COL22A1: variants seen among roughly 807,000 people sequenced by gnomAD.
COL22A1 encodes collagen alpha-1(XXII) chain.
A neutral mutation model predicts 248.9 loss-of-function variants in COL22A1; 221 were observed. That is an observed-to-expected ratio of 0.89 (90% CI 0.80 to 0.99). The LOEUF (loss-of-function observed/expected upper bound fraction) is 0.99, where lower values mean the gene tolerates loss of function less well. Ranked by LOEUF, COL22A1 falls within the 50% of genes least tolerant of loss-of-function variation. The pLI is 0.00. For synonymous variants in COL22A1, 891 were observed against 793.4 expected, an observed-to-expected ratio of 1.12 and a Z score of -2.07; for missense variants, 2,240 against 2,179.0, an observed-to-expected ratio of 1.03 and a Z score of -0.56.
At chr8:138,866,426 T>C (rs112002615) in intron 3 of COL22A1, among the ~76,000 whole-genome samples, 5 of 152,374 alleles carry the variant, frequency 3.3e-5, no homozygotes, top group African/African-American at 1.2e-4. Flanking sequence ...TTTAGGTGTA[T>C]GTCCTTTTAC....
chr8:138,648,160 T>C (rs1822372622), intron 46 of COL22A1, among the ~76,000 whole-genome samples: 1 of 152,248 alleles, frequency 6.6e-6, no homozygotes, highest in Admixed American at 6.5e-5. Context: ...GGTGAAATTA[T>C]TCTTAGTCAA....
intron 32 of COL22A1, among the ~76,000 whole-genome samples, chr8:138,697,457 A>C (rs1301924616): frequency 1.3e-5 from 2 of 152,158 alleles, no homozygotes; most frequent in Non-Finnish European, 2.9e-5. Context: ...TTCCCCAAGC[A>C]CCAAGCTGCC....
At chr8:138,879,245 A>T (rs1329029474) in intron 2 of COL22A1, among the ~76,000 whole-genome samples, 1 of 152,192 alleles carries the variant, frequency 6.6e-6, no homozygotes, top group Non-Finnish European at 1.5e-5. Context: ...CCATGGCTGC[A>T]AAGAGTCCTC....
Position 138,913,431 on chromosome 8 carries a change from A to G in COL22A1, c.-73+188T>C, listed in dbSNP as rs1349610097. ...GACACAGACACATCTGCTTCCAACT[A>G]TAGTCACTCCCTAAAGAGCGAAGTG... On this transcript the variant is annotated intron_variant, in intron 1 of 64. Coordinates refer to ENST00000303045, the MANE Select transcript of COL22A1 (RefSeq NM_152888.3). 4.6e-5 allele frequency among the ~76,000 whole-genome samples: 7 copies of G among 152,240 alleles called. No individual in the cohort carries two copies. In the East Asian group the frequency reaches 1.2e-3, roughly 25 times the overall value.
intron 61 of COL22A1, among the ~76,000 whole-genome samples, chr8:138,598,268 G>T (rs548004743): frequency 7.5e-4 from 114 of 152,300 alleles, no homozygotes; most frequent in African/African-American, 2.6e-3. Flanking sequence ...AGTACTCTAG[G>T]TCGGCAGATA....
rs946140326 is a variant in COL22A1, at chr8:138,588,410, T to C, written c.*843A>G. 1 of 152,214 alleles carries C rather than the reference T, an allele frequency of 6.6e-6. No homozygotes were observed. The allele number at this position is 152,214 out of a possible 1,614,324, so 9.4% of individuals were successfully genotyped here. A position where few individuals can be genotyped will look rare whatever the true frequency, so the allele number is the denominator to read the frequency against. The stretch of plus-strand genomic sequence containing the variant: ...TCATTAGGGAAACACAAGTGGATGG[T>C]CACCACATCCACTTGTTTTATAATT... On this transcript the variant is annotated 3_prime_UTR_variant, in exon 65 of 65. Coordinates refer to ENST00000303045, the MANE Select transcript of COL22A1 (RefSeq NM_152888.3).
At chr8:138,823,342 C>T (rs1381267675) in intron 6 of COL22A1, among the ~76,000 whole-genome samples, 4 of 152,144 alleles carry the variant, frequency 2.6e-5, no homozygotes, top group African/African-American at 4.8e-5. Context: ...AGCAGTGAAA[C>T]CTTCTCTGAT....
At chr8:138,729,680 G>A (rs777441391) in intron 23 of COL22A1, among the ~76,000 whole-genome samples, 12 of 152,218 alleles carry the variant, frequency 7.9e-5, no homozygotes, top group African/African-American at 2.9e-4. Context: ...ACAAGTCCAA[G>A]TGGGAAACGC....
At position 138,826,764 on chromosome 8, in the gene COL22A1, C is replaced by A; in HGVS notation, c.863G>T (p.Gly288Val). The A allele has an allele frequency of 6.2e-7, 1 of 1,614,116 alleles. No individual in the cohort carries two copies. Residue 288 changes from glycine (G) to valine (V), a missense_variant, in exon 6 of 65, where the codon GGT becomes GTT. Gly to Val is a moderately radical substitution (Grantham distance 109). Transcript: ENST00000303045. ...VQSTEDVFPQ[G>V]LPDEYAFVTT... ...GACAAAGGCGTACTCATCAGGTAAA[C>A]CTTGGGGGAACACATCCCTGGAGAA...
rs901674230 is a variant in COL22A1, at chr8:138,779,524, A to C, written c.1689T>G (p.Gly563=). The change falls in exon 14 of 65, where the codon GGT becomes GGG. Residue 563 remains glycine (G), a synonymous_variant. Transcript: ENST00000303045. Reference sequence around the variant, plus strand: ...CAACACTCACCCGCATGCCGACCTCACCCGGCAGCCCCGGCTCTCCCAGCT... The same window carrying C: ...CAACACTCACCCGCATGCCGACCTCCCCCGGCAGCCCCGGCTCTCCCAGCT... ...PGELGEPGLP[G]EVGMRGPQGP... 7 of 1,613,118 alleles carry C rather than the reference A, an allele frequency of 4.3e-6. No individual in the cohort carries two copies. The highest frequency in any genetic ancestry group is 5.9e-6 in the Non-Finnish European group (7 of 1,179,118).
chr8:138,614,064 A>C, intron 55 of COL22A1, 144 bp from the exon 56 acceptor site: 1 of 694,318 alleles, frequency 1.4e-6, no homozygotes. Context: ...TTAATTGTCC[A>C]TTATTCCAAA....
intron 4 of COL22A1, among the ~76,000 whole-genome samples, chr8:138,839,489 G>A (rs1490989673): frequency 6.6e-6 from 1 of 152,146 alleles, no homozygotes; most frequent in African/African-American, 2.4e-5. Flanking sequence ...GCATGGAGGG[G>A]CAAGACCAGC....
chr8:138,727,289 G>A (rs1224621525), intron 23 of COL22A1, among the ~76,000 whole-genome samples: 1 of 151,884 alleles, frequency 6.6e-6, no homozygotes, highest in Non-Finnish European at 1.5e-5. Flanking sequence ...TCCCTTCTGA[G>A]CCATCTCCAC....
chr8:138,751,110 A>C (rs1383877478), intron 22 of COL22A1, among the ~76,000 whole-genome samples: 1 of 152,238 alleles, frequency 6.6e-6, no homozygotes, highest in Non-Finnish European at 1.5e-5. Flanking sequence ...ATGATATTCA[A>C]TAATGGCATG....
At chr8:138,772,071 C>A (rs557290151) in intron 16 of COL22A1, among the ~76,000 whole-genome samples, 1 of 150,498 alleles carries the variant, frequency 6.6e-6, no homozygotes, top group South Asian at 2.1e-4. Context: ...CCCAGGGTTT[C>A]GTCTAACCCT....
intron 4 of COL22A1, among the ~76,000 whole-genome samples, chr8:138,835,008 G>A (rs1337821082): frequency 1.3e-5 from 2 of 152,168 alleles, no homozygotes; most frequent in South Asian, 2.1e-4. Context: ...AGCAGGGGCG[G>A]CACTGGAGAG....
intron 1 of COL22A1, among the ~76,000 whole-genome samples, chr8:138,901,357 G>GGTTTT (rs1814537130): frequency 1.3e-5 from 1 of 77,208 alleles, no homozygotes; most frequent in African/African-American, 3.6e-5. Flanking sequence ...ATTACTGGCA[G>GGTTTT]GTTTTTTTTT....
chr8:138,887,445 C>A (rs1824750667), intron 1 of COL22A1, among the ~76,000 whole-genome samples: 1 of 152,140 alleles, frequency 6.6e-6, no homozygotes, highest in Admixed American at 6.5e-5. Flanking sequence ...GTCTTGAAGT[C>A]CTGACCTCGT....
intron 43 of COL22A1, 69 bp downstream of exon 43, chr8:138,661,960 TG>T: frequency 8.4e-7 from 1 of 1,193,908 alleles, no homozygotes; most frequent in Non-Finnish European, 1.2e-6. Flanking sequence ...GGCCAGGAGA[TG>T]GTGGAGGGCG....
Sources: gnomAD v4.1 joint callset for allele counts (sites outside exome capture counted in the v4.1 genomes callset) on GRCh38, gnomAD v4.1.1 for gene constraint, MANE v1.5 for transcripts, NCBI Gene and HGNC (gene_info 2026-07-23, HGNC 2026-07-21) for gene names.